The following GBP4 variants were observed in gnomAD, a reference collection of about 807,000 sequenced individuals.
GBP4 encodes guanylate-binding protein 4.
A neutral mutation model predicts 62.2 loss-of-function variants in GBP4; 69 were observed. The observed-to-expected ratio is 1.11, with a 90% CI of 0.91 to 1.36. The LOEUF (loss-of-function observed/expected upper bound fraction) is 1.36. Ranked by LOEUF, GBP4 falls within the 40% of genes most tolerant of loss-of-function variation. GBP4 has a pLI of 0.00. For missense variants in GBP4, 697 were observed against 759.3 expected (o/e 0.92, Z 0.96); for synonymous variants, 278 against 274.6 (o/e 1.01, Z -0.12).
intron 2 of GBP4, among the ~76,000 whole-genome samples, chr1:89,196,299 G>A (rs1646019274): frequency 6.6e-6 from 1 of 152,162 alleles, no homozygotes; most frequent in Non-Finnish European, 1.5e-5. Context: ...AGCAAAAGAA[G>A]CAAGACATCC....
At chr1:89,193,661 C>T (rs1648249244) in intron 3 of GBP4, among the ~76,000 whole-genome samples, 1 of 152,158 alleles carries the variant, frequency 6.6e-6, no homozygotes, top group Non-Finnish European at 1.5e-5. Flanking sequence ...GTGCCTAGAA[C>T]ATAATAGGTG....
rs762903378 is a variant in GBP4, at chr1:89,197,171, A to T, written c.174T>A (p.Ile58=). The T allele has an allele frequency of 9.3e-6, 15 of 1,614,100 alleles. No homozygotes were observed. Among genetic ancestry groups the T allele is most frequent in the Non-Finnish European group, 1.3e-5 (15 of 1,179,952 alleles). ...KISQPVVVVA[I]VGLYRTGKSY... is the part of the protein sequence containing the mutation. Reference sequence around the variant, plus strand: ...ATTTTCCTGTGCGGTATAGCCCTACAATGGCCACCACCACCACGGGCTGAG... The same window carrying T: ...ATTTTCCTGTGCGGTATAGCCCTACTATGGCCACCACCACCACGGGCTGAG... Residue 58 remains isoleucine (I), a synonymous_variant, in exon 2 of 11, where the codon ATT becomes ATA. Transcript: ENST00000355754.
rs1476905730 is a variant in GBP4 at position 89,183,966 on chromosome 1, C to A, written c.*1288G>T. On this transcript the variant is annotated 3_prime_UTR_variant, in exon 11 of 11. Transcript: ENST00000355754. Reference sequence around the variant, plus strand: ...TAGAAAATATTTGCCAACTATGCATCCAACAAAGATCTAATATCCAGAATC... The same window carrying A: ...TAGAAAATATTTGCCAACTATGCATACAACAAAGATCTAATATCCAGAATC... 1 of 152,076 alleles carries A rather than the reference C, an allele frequency of 6.6e-6. No individual in the cohort carries two copies. The allele number at this position is 152,076 out of a possible 1,614,324, so 9.4% of individuals were successfully genotyped here.
chr1:89,184,116 CTCA>C lies in GBP4; in HGVS notation c.*1135_*1137del, dbSNP rs1647964309. ...GCATTTAAAAAGCATATAAAAATCACTCATCATCACTAATCACTACAGAAATGC... is the reference window on the plus strand; with the variant it reads ...GCATTTAAAAAGCATATAAAAATCACTCATCACTAATCACTACAGAAATGC... On this transcript the variant is annotated 3_prime_UTR_variant, in exon 11 of 11. Transcript: ENST00000355754. 1.3e-5 allele frequency: 2 copies of C among 152,180 alleles called. No homozygotes were observed. The highest frequency in any genetic ancestry group is 4.1e-4 in the South Asian group (2 of 4,832). The allele number at this position is 152,180 out of a possible 1,614,324, so 9.4% of individuals were successfully genotyped here. A position where few individuals can be genotyped will look rare whatever the true frequency, so the allele number is the denominator to read the frequency against.
chr1:89,197,675 C>T (rs1648384152), intron 1 of GBP4, among the ~76,000 whole-genome samples: 1 of 151,996 alleles, frequency 6.6e-6, no homozygotes, highest in Admixed American at 6.5e-5. Flanking sequence ...TAAATAGGGG[C>T]AGGATGTTAC....
intron 10 of GBP4, 45 bp downstream of exon 10, chr1:89,186,288 C>G (rs539444495): frequency 1.3e-6 from 2 of 1,500,890 alleles, no homozygotes; most frequent in East Asian, 4.5e-5. Flanking sequence ...CCTAAAGAAG[C>G]AGGGCATTGT....
rs1416754344 is a variant in GBP4, at chr1:89,183,220, A to C, written c.*2034T>G. 1 of 152,204 alleles carries C rather than the reference A, an allele frequency of 6.6e-6. No homozygotes were observed. Among genetic ancestry groups the C allele is most frequent in the African/African-American group, 2.4e-5 (1 of 41,456 alleles). 9.4% of individuals were successfully genotyped at this position (152,204 alleles called of 1,614,324 possible). On this transcript the variant is annotated 3_prime_UTR_variant, in exon 11 of 11. Transcript: ENST00000355754. ...AAACAGACACACAGATAAATGGAACATAACAGAGAGTCCAGAAATAATGCT... is the reference window on the plus strand; with the variant it reads ...AAACAGACACACAGATAAATGGAACCTAACAGAGAGTCCAGAAATAATGCT...
At chr1:89,187,292 C>T (rs1336653046) in intron 8 of GBP4, among the ~76,000 whole-genome samples, 190 bp from the exon 9 acceptor site, 1 of 152,106 alleles carries the variant, frequency 6.6e-6, no homozygotes, top group Admixed American at 6.6e-5. Context: ...AAACCCTGTG[C>T]AGCAGCCTCC....
At position 89,197,105 on chromosome 1, in the gene GBP4, C is replaced by T. The variant is rs1648362956; in HGVS notation, c.235+5G>A. ...AAATGGCTCCTGTCCTAGGACCACA[C>T]TCACCATTGCGCTTTCCTGCAAGAC... On this transcript the variant is annotated splice_donor_5th_base_variant and intron_variant, in intron 2 of 10. Transcript: ENST00000355754. 3 of 1,607,644 alleles carry T rather than the reference C, an allele frequency of 1.9e-6. No individual in the cohort carries two copies. Among genetic ancestry groups the T allele is most frequent in the Non-Finnish European group, 2.6e-6 (3 of 1,176,132 alleles).
chr1:89,198,656 G>A, intron 1 of GBP4, 139 bp downstream of exon 1: 1 of 763,446 alleles, frequency 1.3e-6, no homozygotes, highest in Non-Finnish European at 2.3e-6. Flanking sequence ...AGACTTCCCC[G>A]CGAGGTTCCT....
At chr1:89,186,280 T>TAA in intron 10 of GBP4, 53 bp downstream of exon 10, 2 of 1,487,774 alleles carry the variant, frequency 1.3e-6, no homozygotes, top group Non-Finnish European at 1.8e-6. Context: ...CTTCCTTTCC[T>TAA]AAAGAAGCAG....
intron 1 of GBP4, 58 bp downstream of exon 1, chr1:89,198,737 G>A (rs1648414694): frequency 6.9e-7 from 1 of 1,442,210 alleles, no homozygotes; most frequent in African/African-American, 1.4e-5. Context: ...TTGGGAATTT[G>A]TTGTTGTTTG....
Position 89,195,352 on chromosome 1 carries a change from T to TTAGAGAGGTGGGGCACACACCACA in GBP4, c.284_307dup (p.Met95_Ser102dup). The TTAGAGAGGTGGGGCACACACCACA allele has an allele frequency of 6.2e-7, 1 of 1,613,968 alleles. No individual in the cohort carries two copies. Among genetic ancestry groups the TTAGAGAGGTGGGGCACACACCACA allele is most frequent in the Non-Finnish European group, 8.5e-7 (1 of 1,179,920 alleles). On this transcript the variant is annotated inframe_insertion, in exon 3 of 11. Coordinates refer to ENST00000355754, the MANE Select transcript of GBP4 (RefSeq NM_052941.5). Reference sequence around the variant, plus strand: ...CAGAAGGACCAGGGTGTGGTTTGGCTTAGAGAGGTGGGGCACACACCACAT... The same window carrying TTAGAGAGGTGGGGCACACACCACA: ...CAGAAGGACCAGGGTGTGGTTTGGCTTAGAGAGGTGGGGCACACACCACATAGAGAGGTGGGGCACACACCACAT...
intron 1 of GBP4, 193 bp downstream of exon 1, chr1:89,198,602 G>A: frequency 8.3e-6 from 5 of 602,778 alleles, no homozygotes; most frequent in Middle Eastern, 4.5e-4. Flanking sequence ...GTCTAGAGAC[G>A]CTGGGCCACA....
chr1:89,196,968 T>G, intron 2 of GBP4, 142 bp downstream of exon 2: 1 of 578,392 alleles, frequency 1.7e-6, no homozygotes, highest in South Asian at 2.9e-5. Context: ...ATATTTGAGA[T>G]TGTAAATTTA....
chr1:89,190,212 A>G lies in GBP4; in HGVS notation c.1023T>C (p.Ala341=). 1 of 1,614,170 alleles carries G rather than the reference A, an allele frequency of 6.2e-7. No homozygotes were observed. Among genetic ancestry groups the G allele is most frequent in the Non-Finnish European group, 8.5e-7 (1 of 1,180,014 alleles). ...TALAQLENPA[A]VQRAADHYSQ... ...TATAGTGGTCGGCTGCCCTCTGCACAGCCGCTGGGTTCTCAAGCTGGGCCA... is the reference window on the plus strand; with the variant it reads ...TATAGTGGTCGGCTGCCCTCTGCACGGCCGCTGGGTTCTCAAGCTGGGCCA... Residue 341 remains alanine, a synonymous_variant, in exon 7 of 11, where the codon GCT becomes GCC. Transcript: ENST00000355754.
chr1:89,186,972 C>T, intron 9 of GBP4, 28 bp downstream of exon 9: 1 of 1,604,836 alleles, frequency 6.2e-7, no homozygotes, highest in Non-Finnish European at 8.5e-7. Flanking sequence ...CTCCCAATCC[C>T]TCTGATAGCT....
intron 5 of GBP4, among the ~76,000 whole-genome samples, chr1:89,192,670 T>C (rs1648216960): frequency 6.6e-6 from 1 of 152,240 alleles, no homozygotes; most frequent in African/African-American, 2.4e-5. Context: ...TAAAATGATT[T>C]GATAGAACTT....
Position 89,193,171 on chromosome 1 carries a change from A to G in GBP4, c.474-71T>C. ...CATATCTCACTTAGAAACAAGTTTT[A>G]TACACGTTCCCTTTTGCACTCTGTC... On this transcript the variant is annotated intron_variant, in intron 4 of 10. Coordinates refer to ENST00000355754, the MANE Select transcript of GBP4 (RefSeq NM_052941.5). 7 of 1,556,606 alleles carry G rather than the reference A, an allele frequency of 4.5e-6. No individual in the cohort carries two copies. The South Asian group carries it at 6.8e-5, about 15-fold the overall frequency.
Sources: gnomAD v4.1 joint callset for allele counts (sites outside exome capture counted in the v4.1 genomes callset) on GRCh38, gnomAD v4.1.1 for gene constraint, MANE v1.5 for transcripts, NCBI Gene and HGNC (gene_info 2026-07-23, HGNC 2026-07-21) for gene names.